The following MLPH variants were observed in gnomAD, a reference collection of about 807,000 sequenced individuals.
The protein encoded by MLPH is exophilin-3.
Under a neutral mutation model 72.1 loss-of-function variants are expected in MLPH, and 51 were observed. That is an observed-to-expected ratio of 0.71 (90% CI 0.56 to 0.89). MLPH has a LOEUF of 0.89. Among genes scored for constraint, MLPH ranks in the 40% least tolerant of loss-of-function variants. The pLI, the probability that MLPH is intolerant of heterozygous loss-of-function variation, is 0.00. For synonymous variants in MLPH, 301 were observed against 310.1 expected (o/e 0.97, Z 0.31); for missense variants, 743 against 759.9 (o/e 0.98, Z 0.26).
chr2:237,549,838 T>C (rs886812661), intron 14 of MLPH, among the ~76,000 whole-genome samples: 5 of 152,138 alleles, frequency 3.3e-5, no homozygotes, highest in Admixed American at 1.3e-4. Context: ...GTTGGACTGA[T>C]CTCCTGTTGT....
rs2079357268 is a variant in MLPH, at chr2:237,488,160, G to T, written c.-25+723G>T. On this transcript the variant is annotated intron_variant, in intron 1 of 15. Transcript: ENST00000264605. ...CACTTCCACACGGAACTTGGGACAGGTCCTTTTTTAGATGGTGTGACTGGT... is the reference window on the plus strand; with the variant it reads ...CACTTCCACACGGAACTTGGGACAGTTCCTTTTTTAGATGGTGTGACTGGT... Among the ~76,000 whole-genome samples, 10 of 152,284 alleles carry T rather than the reference G, an allele frequency of 6.6e-5. No homozygotes were observed. In the South Asian group the frequency reaches 2.1e-3, roughly 32 times the overall value.
At chr2:237,501,450 G>A (rs1018964656) in intron 2 of MLPH, among the ~76,000 whole-genome samples, 1 of 152,064 alleles carries the variant, frequency 6.6e-6, no homozygotes, top group African/African-American at 2.4e-5. Flanking sequence ...GTGAGTGAGA[G>A]CTTGCTGTGT....
chr2:237,498,646 G>A (rs1052348212), intron 2 of MLPH, among the ~76,000 whole-genome samples: 4 of 152,192 alleles, frequency 2.6e-5, no homozygotes, highest in Non-Finnish European at 4.4e-5. Context: ...GGAGGGATCG[G>A]TGAGAAGGAA....
At position 237,534,197 on chromosome 2, in the gene MLPH, G is replaced by A. The variant is rs532385944; in HGVS notation, c.1021-367G>A. On this transcript the variant is annotated intron_variant, in intron 8 of 15. Coordinates refer to ENST00000264605, the MANE Select transcript of MLPH (RefSeq NM_024101.7). ...TGACTGTGAGTTTGATCACTGTGGCGTAATTAACTGATGTCTTCCTGTGCT... is the reference window on the plus strand; with the variant it reads ...TGACTGTGAGTTTGATCACTGTGGCATAATTAACTGATGTCTTCCTGTGCT... Among the ~76,000 whole-genome samples, 126 of 152,172 alleles carry A rather than the reference G, an allele frequency of 8.3e-4. 1 individual carries two copies. Among genetic ancestry groups the A allele is most frequent in the Non-Finnish European group, 8.2e-4 (56 of 68,032 alleles).
At chr2:237,550,392 G>A (rs1000928338) in intron 14 of MLPH, among the ~76,000 whole-genome samples, 5 of 152,300 alleles carry the variant, frequency 3.3e-5, no homozygotes, top group Middle Eastern at 3.4e-3. Flanking sequence ...AGGGCCCTTT[G>A]GGGCTAATCC....
intron 2 of MLPH, among the ~76,000 whole-genome samples, chr2:237,504,787 C>G (rs940957862): frequency 6.6e-6 from 1 of 152,226 alleles, no homozygotes; most frequent in African/African-American, 2.4e-5. Flanking sequence ...TGTTTCTTCT[C>G]TCTGGTTAGG....
Position 237,526,943 on chromosome 2 carries a change from G to A in MLPH, c.881-434G>A, listed in dbSNP as rs79570949. 7.4e-3 allele frequency among the ~76,000 whole-genome samples: 1,130 copies of A among 152,286 alleles called. 5 individuals carry two copies. The highest frequency in any genetic ancestry group is 0.014 in the Non-Finnish European group (919 of 68,036). On this transcript the variant is annotated intron_variant, in intron 7 of 15. Transcript: ENST00000264605. The stretch of plus-strand genomic sequence containing the variant: ...TCAGTTTCCTCATTGTACAAAAGGG[G>A]TTAACAACGTCTAACTCATCCCATT...
chr2:237,545,585 G>A (rs745599090), intron 12 of MLPH: 37 of 1,287,550 alleles, frequency 2.9e-5, no homozygotes, highest in Non-Finnish European at 3.2e-5. Context: ...CCGCCGCCAC[G>A]TGAAGATGGA....
intron 4 of MLPH, among the ~76,000 whole-genome samples, chr2:237,517,715 GGATA>G (rs1559351655): frequency 8.4e-6 from 1 of 119,758 alleles, no homozygotes; most frequent in Non-Finnish European, 1.8e-5. Context: ...ATGGATGGAT[GGATA>G]AGTAAGTGGG....
intron 8 of MLPH, among the ~76,000 whole-genome samples, chr2:237,533,519 G>A (rs993634499): frequency 2.0e-5 from 3 of 148,068 alleles, no homozygotes; most frequent in African/African-American, 5.0e-5. Context: ...TCAGCCTCCC[G>A]AGTAGCTGGG....
rs1321724336 is a variant in MLPH at position 237,518,569 on chromosome 2, G to T, written c.476G>T (p.Ser159Ile). The part of the protein sequence containing the change: ...AGPELISEER[S>I]GDSDQTDEDG... ...CCTGAACTGATATCTGAAGAGAGAA[G>T]TGGAGACAGCGACCAGACAGATGAG... The change falls in exon 5 of 16, where the codon AGT becomes ATT. Residue 159 changes from serine (S) to isoleucine (I), a missense_variant. Transcript: ENST00000264605. 6.2e-7 allele frequency: 1 copy of T among 1,613,882 alleles called. No homozygotes were observed. The highest frequency in any genetic ancestry group is 1.7e-5 in the Admixed American group (1 of 59,974).
chr2:237,494,500 A>G (rs529847278), intron 2 of MLPH, among the ~76,000 whole-genome samples: 15 of 152,310 alleles, frequency 9.8e-5, no homozygotes, highest in Non-Finnish European at 2.1e-4. Flanking sequence ...GAGCAGAGCA[A>G]CAGCAAGTCC....
intron 1 of MLPH, among the ~76,000 whole-genome samples, chr2:237,490,103 T>C (rs779611859): frequency 1.3e-5 from 2 of 152,026 alleles, no homozygotes; most frequent in African/African-American, 2.4e-5. Context: ...TAAACAGAAA[T>C]GGAACAAGGA....
At chr2:237,495,524 G>A (rs1360291750) in intron 2 of MLPH, among the ~76,000 whole-genome samples, 1 of 152,228 alleles carries the variant, frequency 6.6e-6, no homozygotes, top group Non-Finnish European at 1.5e-5. Flanking sequence ...AGAAGGAGCA[G>A]TAGAAGAGGG....
chr2:237,525,707 A>G lies in MLPH; in HGVS notation c.782A>G (p.Gln261Arg), dbSNP rs2080288103. The change falls in exon 7 of 16, where the codon CAG becomes CGG. Residue 261 changes from glutamine to arginine, a missense_variant. Physicochemically the swap from Gln to Arg is conservative, Grantham distance 43. Coordinates refer to ENST00000264605, the MANE Select transcript of MLPH (RefSeq NM_024101.7). The stretch of plus-strand genomic sequence containing the variant: ...GGGTGCCACTCCCATCCGGAAGAGC[A>G]GCCGACCAGCATCTCACCTTCCAGA... ...ASGCHSHPEE[Q>R]PTSISPSRHG... The G allele has an allele frequency of 1.2e-6, 2 of 1,614,172 alleles. No individual in the cohort carries two copies. The highest frequency in any genetic ancestry group is 4.5e-5 in the East Asian group (2 of 44,884).
chr2:237,524,494 C>T (rs1011854979), intron 6 of MLPH, among the ~76,000 whole-genome samples: 2 of 151,870 alleles, frequency 1.3e-5, no homozygotes, highest in South Asian at 2.1e-4. Context: ...GGAGGCTAGG[C>T]CTGTCTTGTC....
intron 9 of MLPH, 138 bp from the exon 10 acceptor site, chr2:237,540,210 G>A: frequency 1.1e-6 from 1 of 935,314 alleles, no homozygotes; most frequent in South Asian, 1.6e-5. Context: ...TGGACAAGCT[G>A]GCATGGAGAA....
chr2:237,518,984 C>G (rs1276031729), intron 5 of MLPH, among the ~76,000 whole-genome samples: 1 of 152,134 alleles, frequency 6.6e-6, no homozygotes, highest in Non-Finnish European at 1.5e-5. Context: ...GGAGGGCTCT[C>G]GAGGGTCCTG....
chr2:237,540,601 C>G, intron 10 of MLPH, 68 bp downstream of exon 10: 27 of 1,551,032 alleles, frequency 1.7e-5, no homozygotes, highest in Non-Finnish European at 2.4e-5. Flanking sequence ...ACAGTCCCAG[C>G]TGGCAGCCAC....
Sources: allele counts gnomAD v4.1 joint callset (sites outside exome capture counted in the v4.1 genomes callset), GRCh38; gene constraint gnomAD v4.1.1; transcripts MANE v1.5; gene names NCBI Gene and HGNC (gene_info 2026-07-23, HGNC 2026-07-21).